The following DSCAM variants were observed in gnomAD, a reference collection of about 807,000 sequenced individuals.
DSCAM encodes the protein cell adhesion molecule DSCAM.
DSCAM carries 47 observed loss-of-function variants against 217.7 expected under a neutral mutation model. The observed-to-expected ratio is 0.22, with a 90% CI of 0.17 to 0.28. The LOEUF is 0.28. Ranked by LOEUF, DSCAM falls within the 10% of genes least tolerant of loss-of-function variation. DSCAM has a pLI of 1.00. For synonymous variants in DSCAM, 1,056 were observed against 1,015.3 expected (o/e 1.04, Z -0.76); for missense variants, 2,080 against 2,618.3 (o/e 0.79, Z 4.49).
chr21:40,113,631 T>C (rs1382895444), intron 20 of DSCAM, among the ~76,000 whole-genome samples: 1 of 152,162 alleles, frequency 6.6e-6, no homozygotes, highest in Non-Finnish European at 1.5e-5. Flanking sequence ...TGTCCCTGTT[T>C]GCAGATGACA....
intron 1 of DSCAM, among the ~76,000 whole-genome samples, chr21:40,832,261 A>G (rs1022123489): frequency 1.3e-5 from 2 of 152,224 alleles, no homozygotes; most frequent in Non-Finnish European, 2.9e-5. Context: ...AATTCAAGCT[A>G]TTGTTTTTAT....
intron 9 of DSCAM, among the ~76,000 whole-genome samples, chr21:40,306,048 A>G (rs1042764274): frequency 2.6e-5 from 4 of 151,818 alleles, no homozygotes; most frequent in African/African-American, 4.8e-5. Context: ...GGCCATTTTC[A>G]CAATATTGAT....
At chr21:40,791,345 T>C (rs910405287) in intron 1 of DSCAM, among the ~76,000 whole-genome samples, 1 of 151,632 alleles carries the variant, frequency 6.6e-6, no homozygotes, top group Admixed American at 6.6e-5. Flanking sequence ...TTGCTATTTA[T>C]ATTGTAAATA....
At chr21:40,693,051 A>G (rs1256271138) in intron 2 of DSCAM, 95 bp from the exon 3 acceptor site, 10 of 1,328,134 alleles carry the variant, frequency 7.5e-6, no homozygotes, top group Non-Finnish European at 1.0e-5. Flanking sequence ...GCACACACAC[A>G]TCAATTGCAT....
At chr21:40,772,247 C>T (rs953036054) in intron 1 of DSCAM, among the ~76,000 whole-genome samples, 14 of 152,248 alleles carry the variant, frequency 9.2e-5, no homozygotes, top group African/African-American at 3.4e-4. Flanking sequence ...TGGTTCATTG[C>T]TACCTCCACC....
intron 3 of DSCAM, among the ~76,000 whole-genome samples, chr21:40,421,219 G>T (rs1214321223): frequency 6.6e-6 from 1 of 152,156 alleles, no homozygotes; most frequent in Admixed American, 6.5e-5. Flanking sequence ...GCCCATCACT[G>T]CATCCTTCAC....
At chr21:40,120,522 A>G (rs1242687870) in intron 20 of DSCAM, among the ~76,000 whole-genome samples, 2 of 152,228 alleles carry the variant, frequency 1.3e-5, no homozygotes, top group African/African-American at 4.8e-5. Flanking sequence ...GGGTTATCTC[A>G]CGTCTTTGGA....
At chr21:40,558,087 G>A (rs1346768525) in intron 3 of DSCAM, among the ~76,000 whole-genome samples, 2 of 152,054 alleles carry the variant, frequency 1.3e-5, no homozygotes, top group South Asian at 2.1e-4. Context: ...AAGGATCATC[G>A]GTAAATTAGT....
intron 1 of DSCAM, among the ~76,000 whole-genome samples, chr21:40,760,801 C>T (rs1294967420): frequency 6.6e-6 from 1 of 152,124 alleles, no homozygotes; most frequent in South Asian, 2.1e-4. Context: ...TGCCTGGCCT[C>T]CAGAATCTTC....
At chr21:40,174,358 G>A (rs1056676466) in intron 15 of DSCAM, among the ~76,000 whole-genome samples, 1 of 152,108 alleles carries the variant, frequency 6.6e-6, no homozygotes, top group Non-Finnish European at 1.5e-5. Context: ...CCCAACATTA[G>A]GTAGGGACAC....
At chr21:40,252,812 C>T (rs559331153) in intron 11 of DSCAM, among the ~76,000 whole-genome samples, 2 of 152,224 alleles carry the variant, frequency 1.3e-5, no homozygotes, top group Admixed American at 1.3e-4. Flanking sequence ...AATCATTACT[C>T]CAGTCCCCAC....
intron 8 of DSCAM, among the ~76,000 whole-genome samples, chr21:40,316,615 T>C (rs1038959928): frequency 7.2e-5 from 11 of 152,156 alleles, no homozygotes; most frequent in South Asian, 2.1e-4. Flanking sequence ...TTGTATATCA[T>C]AGGAGCAGAA....
intron 3 of DSCAM, among the ~76,000 whole-genome samples, chr21:40,688,741 A>G (rs7282136): frequency 0.21 from 32,432 of 152,164 alleles, 3,819 homozygotes; most frequent in African/African-American, 0.32. Context: ...GTCACCCTGT[A>G]AGGCCCCAGG....
intron 29 of DSCAM, among the ~76,000 whole-genome samples, chr21:40,054,620 G>C (rs1483977477): frequency 6.6e-6 from 1 of 152,196 alleles, no homozygotes; most frequent in Non-Finnish European, 1.5e-5. Context: ...AACAAACATA[G>C]CCAGGTTTGA....
At position 40,277,542 on chromosome 21, in the gene DSCAM, T is replaced by C. The variant is rs1213091533; in HGVS notation, c.2183-1272A>G. Among the ~76,000 whole-genome samples, 4 of 152,192 alleles carry C rather than the reference T, an allele frequency of 2.6e-5. No homozygotes were observed. The South Asian group carries it at 6.2e-4, about 24-fold the overall frequency. On this transcript the variant is annotated intron_variant, in intron 10 of 32. Coordinates refer to ENST00000400454, the MANE Select transcript of DSCAM (RefSeq NM_001389.5). ...ATTGATAAGGTACCTAAGGGGACCT[T>C]TCACATTGAATGAGGAGATCAAGTA...
chr21:40,124,065 C>T (rs1328598784), intron 20 of DSCAM, 130 bp downstream of exon 20: 2 of 1,269,444 alleles, frequency 1.6e-6, no homozygotes, highest in Admixed American at 2.0e-5. Flanking sequence ...GTGGAGACAG[C>T]AGGGGCAAAA....
At chr21:40,084,501 A>AACACAC (rs145863686) in intron 23 of DSCAM, among the ~76,000 whole-genome samples, 1,648 of 137,628 alleles carry the variant, frequency 0.012, 11 homozygotes, top group Admixed American at 0.019. Flanking sequence ...TCCAAGATGC[A>AACACAC]ACACACACAC....
intron 3 of DSCAM, among the ~76,000 whole-genome samples, chr21:40,506,108 C>T (rs1010610738): frequency 3.3e-5 from 5 of 152,162 alleles, no homozygotes; most frequent in African/African-American, 7.2e-5. Flanking sequence ...TTTTTACTAA[C>T]GCACTTCATG....
chr21:40,078,624 G>A, intron 26 of DSCAM, 63 bp downstream of exon 26: 8 of 1,566,660 alleles, frequency 5.1e-6, no homozygotes, highest in Non-Finnish European at 6.9e-6. Context: ...TGGGAAAGGG[G>A]CAGGGCCCAC....
Sources: allele counts gnomAD v4.1 joint callset (sites outside exome capture counted in the v4.1 genomes callset), GRCh38; gene constraint gnomAD v4.1.1; transcripts MANE v1.5; gene names NCBI Gene and HGNC (gene_info 2026-07-23, HGNC 2026-07-21).